Variants in INPP5A observed in about 807,000 individuals in gnomAD.
The protein encoded by INPP5A is inositol polyphosphate-5-phosphatase A.
In INPP5A, 14 loss-of-function variants were observed where a neutral mutation model predicts 65.2. The ratio of observed to expected loss-of-function variants is 0.21; its 90% CI spans 0.14 to 0.34. The LOEUF (loss-of-function observed/expected upper bound fraction) is 0.34. Among genes scored for constraint, INPP5A ranks in the 10% least tolerant of loss-of-function variants. INPP5A has a pLI of 1.00. For missense variants in INPP5A, 431 were observed against 545.6 expected (o/e 0.79, Z 2.09); for synonymous variants, 207 against 208.3 (o/e 0.99, Z 0.05).
At chr10:132,737,909 G>T (rs1199166282) in intron 9 of INPP5A, among the ~76,000 whole-genome samples, 1 of 152,132 alleles carries the variant, frequency 6.6e-6, no homozygotes, top group African/African-American at 2.4e-5. Flanking sequence ...ATTAGGCTTC[G>T]TATTTAGGGG....
At position 132,781,933 on chromosome 10, in the gene INPP5A, G is replaced by T. The variant is rs200256899; in HGVS notation, c.1231G>T (p.Val411Leu). The T allele has an allele frequency of 6.2e-7, 1 of 1,613,636 alleles. No homozygotes were observed. Among genetic ancestry groups the T allele is most frequent in the African/African-American group, 1.3e-5 (1 of 74,940 alleles). ...PHAHVHKCCV[V>L]Q ...TGCCCATGTGCACAAGTGTTGTGTC[G>T]TGCAGTGACGTGGTGGTAAATATGA... Residue 411 changes from valine to leucine, a missense_variant, in exon 15 of 16, where the codon GTG becomes TTG. Coordinates refer to ENST00000368594, the MANE Select transcript of INPP5A (RefSeq NM_005539.5).
At chr10:132,718,155 G>C (rs573649805) in intron 8 of INPP5A, among the ~76,000 whole-genome samples, 4 of 147,560 alleles carry the variant, frequency 2.7e-5, no homozygotes, top group Non-Finnish European at 5.9e-5. Context: ...GCTGTCTTCA[G>C]GGTTCTGTGG....
In INPP5A at chr10:132,727,068, G is replaced by A. The variant is rs2134582541; in HGVS notation, c.732+163G>A. 1 of 487,916 alleles carries A rather than the reference G, an allele frequency of 2.0e-6. No homozygotes were observed. The highest frequency in any genetic ancestry group is 3.6e-6 in the Non-Finnish European group (1 of 276,988). 30.2% of individuals were successfully genotyped at this position (487,916 alleles called of 1,614,324 possible). On this transcript the variant is annotated intron_variant, in intron 9 of 15. Transcript: ENST00000368594. This position sits in a 1 kb window ranked among gnomAD's most constrained non-coding sequence, Gnocchi z 6.5. ...CAATGAAGAAGCATGTTTTGCTGTC[G>A]GCAGAGGGATCCGTGTTGGAATCCG...
In INPP5A at chr10:132,689,044, C is replaced by T. The variant is rs561878655; in HGVS notation, c.307-1348C>T. On this transcript the variant is annotated intron_variant, in intron 4 of 15. Transcript: ENST00000368594. ...GAGTGCATATATGTGTTAATGTTTG[C>T]AAGCGTGTGGTGTGCATGTGTGTAC... is the stretch of plus-strand genomic sequence containing the variant. Among the ~76,000 whole-genome samples the T allele has an allele frequency of 2.6e-5, 4 of 152,262 alleles. No homozygotes were observed. The East Asian group carries it at 5.8e-4, about 22-fold the overall frequency.
chr10:132,726,709 A>T, intron 8 of INPP5A, 112 bp from the exon 9 acceptor site: 1 of 733,016 alleles, frequency 1.4e-6, no homozygotes, highest in Non-Finnish European at 2.3e-6. Context: ...CCCCTGCAGC[A>T]GGTGACAGAA....
chr10:132,711,814 G>A (rs1466989292), intron 8 of INPP5A, among the ~76,000 whole-genome samples: 1 of 152,236 alleles, frequency 6.6e-6, no homozygotes, highest in South Asian at 2.1e-4. Flanking sequence ...AACTGCCTGG[G>A]GCTGCACAGG....
intron 1 of INPP5A, among the ~76,000 whole-genome samples, chr10:132,589,248 C>T (rs543825894): frequency 6.6e-6 from 1 of 152,362 alleles, no homozygotes; most frequent in South Asian, 2.1e-4. Context: ...GCGCTGGGGT[C>T]GTTTGACAGG....
At chr10:132,581,308 CAAT>C (rs1285927834) in intron 1 of INPP5A, among the ~76,000 whole-genome samples, 1 of 152,198 alleles carries the variant, frequency 6.6e-6, no homozygotes, top group Non-Finnish European at 1.5e-5. Context: ...AGGAAACTTA[CAAT>C]GATAGCATGT....
chr10:132,540,525 C>G (rs1262292838), intron 1 of INPP5A, among the ~76,000 whole-genome samples: 2 of 152,238 alleles, frequency 1.3e-5, no homozygotes, highest in Non-Finnish European at 2.9e-5. Context: ...CCCCGGGGGC[C>G]AGACCCAGTC....
At chr10:132,771,234 A>C (rs1458147646) in intron 12 of INPP5A, among the ~76,000 whole-genome samples, 1 of 152,182 alleles carries the variant, frequency 6.6e-6, no homozygotes, top group Non-Finnish European at 1.5e-5. Flanking sequence ...TGGAGGCCTC[A>C]TCTCATCCCA....
intron 1 of INPP5A, among the ~76,000 whole-genome samples, chr10:132,559,161 T>A (rs1157859990): frequency 6.6e-6 from 1 of 152,208 alleles, no homozygotes; most frequent in African/African-American, 2.4e-5. Flanking sequence ...TGCTCGCCTC[T>A]GGAGGAAGGC....
chr10:132,728,876 G>A (rs1253469128), intron 9 of INPP5A, among the ~76,000 whole-genome samples: 3 of 152,190 alleles, frequency 2.0e-5, no homozygotes, highest in East Asian at 1.9e-4. Flanking sequence ...TGGCCGGGCC[G>A]TGTGACCACA....
At chr10:132,598,620 C>T (rs911090465) in intron 1 of INPP5A, among the ~76,000 whole-genome samples, 14 of 152,182 alleles carry the variant, frequency 9.2e-5, no homozygotes, top group African/African-American at 2.7e-4. Context: ...TCCATTTGTC[C>T]GTGGATGGAC....
At chr10:132,557,362 C>T (rs985730117) in intron 1 of INPP5A, among the ~76,000 whole-genome samples, 3 of 152,260 alleles carry the variant, frequency 2.0e-5, no homozygotes, top group African/African-American at 7.2e-5. Context: ...TCCTGCAGCA[C>T]GCGGGCACCT....
chr10:132,754,365 T>C (rs1846552494), intron 11 of INPP5A, among the ~76,000 whole-genome samples: 1 of 152,356 alleles, frequency 6.6e-6, no homozygotes, highest in South Asian at 2.1e-4. Context: ...AGGACACCTC[T>C]GTCAGGAGAC....
intron 2 of INPP5A, among the ~76,000 whole-genome samples, chr10:132,615,149 C>G (rs776146622): frequency 1.3e-5 from 2 of 152,346 alleles, no homozygotes; most frequent in Admixed American, 6.5e-5. Context: ...CCTGGAGCTG[C>G]TGCCCTCTGT....
chr10:132,725,619 CCT>C (rs1845972774), intron 8 of INPP5A, among the ~76,000 whole-genome samples: 1 of 152,246 alleles, frequency 6.6e-6, no homozygotes. Flanking sequence ...CCCTCATGCC[CCT>C]GTCACCAGCT....
chr10:132,610,977 AG>A (rs2071937382), intron 2 of INPP5A, among the ~76,000 whole-genome samples: 1 of 152,132 alleles, frequency 6.6e-6, no homozygotes. Context: ...TGAGGAGTGC[AG>A]GGGAGAGAGG....
chr10:132,718,270 C>G (rs1166971610), intron 8 of INPP5A, among the ~76,000 whole-genome samples: 1 of 134,218 alleles, frequency 7.5e-6, no homozygotes, highest in Middle Eastern at 4.1e-3. Context: ...TTCTGTGGTA[C>G]CTGGGTTCTT....
Sources: gnomAD v4.1 joint callset for allele counts (sites outside exome capture counted in the v4.1 genomes callset) on GRCh38, gnomAD v4.1.1 for gene constraint, Gnocchi (gnomAD v3.1) non-coding constraint, MANE v1.5 for transcripts, NCBI Gene and HGNC (gene_info 2026-07-23, HGNC 2026-07-21) for gene names.